RBP7: variants seen among roughly 807,000 people sequenced by gnomAD.
The protein encoded by RBP7 is retinol binding protein 7.
RBP7 carries 13 observed loss-of-function variants against 16.7 expected under a neutral mutation model. The ratio of observed to expected loss-of-function variants is 0.78; its 90% confidence interval spans 0.51 to 1.24. The LOEUF (loss-of-function observed/expected upper bound fraction) is 1.24. Among genes scored for constraint, RBP7 ranks in the 50% most tolerant of loss-of-function variants. The pLI is 0.00. For missense variants in RBP7, 145 were observed against 159.5 expected, an observed-to-expected ratio of 0.91 and a Z score of 0.49; for synonymous variants, 54 against 56.2, an observed-to-expected ratio of 0.96 and a Z score of 0.17.
chr1:10,006,766 G>T (rs61782885), intron 1 of RBP7, among the ~76,000 whole-genome samples: 23,190 of 141,222 alleles, frequency 0.16, 1,914 homozygotes, highest in East Asian at 0.24. Context: ...TATATATATA[G>T]AGAGAGAGAG....
intron 1 of RBP7, among the ~76,000 whole-genome samples, chr1:10,003,780 G>A (rs1273298230): frequency 6.6e-6 from 1 of 152,056 alleles, no homozygotes; most frequent in African/African-American, 2.4e-5. Flanking sequence ...TTTTGAGATG[G>A]ATTCTTGCTC....
rs1302087333 is a variant in RBP7 at position 10,011,557 on chromosome 1, G to A, written c.354+3283G>A. Among the ~76,000 whole-genome samples the A allele has an allele frequency of 2.6e-5, 4 of 152,192 alleles. No individual in the cohort carries two copies. The South Asian group carries it at 6.2e-4, about 24-fold the overall frequency. On this transcript the variant is annotated intron_variant, in intron 3 of 3. Coordinates refer to ENST00000294435, the MANE Select transcript of RBP7 (RefSeq NM_052960.3). ...ACGTATTTTCACACTGTAGGGTGAA[G>A]ATTCAAATACAGGTCTGACAAGAAT...
intron 3 of RBP7, among the ~76,000 whole-genome samples, chr1:10,009,164 C>G (rs1477667958): frequency 6.6e-6 from 1 of 152,130 alleles, no homozygotes; most frequent in Non-Finnish European, 1.5e-5. Flanking sequence ...GTAATCCCAG[C>G]ACTTTGGGAG....
chr1:10,006,357 A>G (rs917620768), intron 1 of RBP7, among the ~76,000 whole-genome samples: 13 of 152,000 alleles, frequency 8.6e-5, no homozygotes, highest in African/African-American at 3.1e-4. Context: ...AAAATATTTA[A>G]AACATTTCCA....
chr1:9,999,589 A>G (rs566649521), intron 1 of RBP7, among the ~76,000 whole-genome samples: 1 of 152,196 alleles, frequency 6.6e-6, no homozygotes, highest in East Asian at 1.9e-4. Context: ...ACTCTTGGAT[A>G]TGTCTTTATC....
intron 3 of RBP7, among the ~76,000 whole-genome samples, chr1:10,011,243 T>C (rs3003376): frequency 0.35 from 53,542 of 151,988 alleles, 14,305 homozygotes; most frequent in African/African-American, 0.75. Context: ...GATAGTCATC[T>C]GTCTTTGTAT....
chr1:9,999,950 C>T (rs1642233676), intron 1 of RBP7, among the ~76,000 whole-genome samples: 1 of 150,866 alleles, frequency 6.6e-6, no homozygotes, highest in Non-Finnish European at 1.5e-5. Flanking sequence ...TTAAGTTGGT[C>T]TGGGTGCAGT....
intron 3 of RBP7, among the ~76,000 whole-genome samples, chr1:10,009,675 G>A (rs947080362): frequency 2.0e-5 from 3 of 151,716 alleles, no homozygotes; most frequent in Non-Finnish European, 4.4e-5. Flanking sequence ...GGGACTACAG[G>A]CATGCACCAC....
rs760583223 is a variant in RBP7, at chr1:10,012,939, CAAAAA to C, written c.355-2827_355-2823del. Among the ~76,000 whole-genome samples the C allele has an allele frequency of 1.1e-3, 78 of 71,342 alleles. 1 individual carries two copies. Among genetic ancestry groups the C allele is most frequent in the African/African-American group, 3.2e-3 (70 of 21,756 alleles). The allele number at this position is 71,342 out of a possible 152,430, so 46.8% of individuals were successfully genotyped here. A position where few individuals can be genotyped will look rare whatever the true frequency, so the allele number is the denominator to read the frequency against. ...CTGGATGACAAGAGTGAAACTGTCT[CAAAAA>C]AAAAAAAAAAAAAAAGAGAAATACC... On this transcript the variant is annotated intron_variant, in intron 3 of 3. Coordinates refer to ENST00000294435, the MANE Select transcript of RBP7 (RefSeq NM_052960.3).
intron 1 of RBP7, among the ~76,000 whole-genome samples, chr1:10,000,164 G>T (rs747565980): frequency 3.9e-5 from 6 of 152,186 alleles, no homozygotes; most frequent in Middle Eastern, 3.4e-3. Context: ...GAAGGTGGAG[G>T]TTGCAGTGAG....
chr1:10,007,229 G>A (rs1642473184), intron 1 of RBP7: 7 of 289,002 alleles, frequency 2.4e-5, no homozygotes, highest in South Asian at 2.1e-4. Context: ...TTACAGGTGT[G>A]AGCCACTGCA....
Position 10,006,764 on chromosome 1 carries a change from T to TATATAG in RBP7, c.74-805_74-804insTATAGA, listed in dbSNP as rs1325127839. The stretch of plus-strand genomic sequence containing the variant: ...GTGTGTGTGTGTGTATATATATATA[T>TATATAG]AGAGAGAGAGAGAGAGAGAGGTATA... On this transcript the variant is annotated intron_variant, in intron 1 of 3. Coordinates refer to ENST00000294435, the MANE Select transcript of RBP7 (RefSeq NM_052960.3). 3.1e-3 allele frequency among the ~76,000 whole-genome samples: 432 copies of TATATAG among 141,522 alleles called. 2 individuals carry two copies. Among genetic ancestry groups the TATATAG allele is most frequent in the African/African-American group, 0.011 (411 of 36,552 alleles). 92.8% of individuals were successfully genotyped at this position (141,522 alleles called of 152,430 possible).
intron 3 of RBP7, among the ~76,000 whole-genome samples, 185 bp from the exon 4 acceptor site, chr1:10,015,597 G>A (rs1642753061): frequency 6.6e-6 from 1 of 151,434 alleles, no homozygotes; most frequent in Non-Finnish European, 1.5e-5. Flanking sequence ...CTGGGAGGCA[G>A]AGGTTACAGT....
At chr1:10,009,300 C>T (rs558416654) in intron 3 of RBP7, among the ~76,000 whole-genome samples, 31 of 152,154 alleles carry the variant, frequency 2.0e-4, no homozygotes, top group South Asian at 4.1e-4. Flanking sequence ...ATCCCAGCTA[C>T]TTGGGAGGCT....
intron 2 of RBP7, 99 bp from the exon 3 acceptor site, chr1:10,008,074 A>G (rs1570733178): frequency 1.3e-6 from 1 of 749,556 alleles, no homozygotes; most frequent in East Asian, 2.6e-5. Flanking sequence ...AAAAGCAGTA[A>G]GTAGGCTGTT....
chr1:10,015,462 A>G (rs1269399866), intron 3 of RBP7, among the ~76,000 whole-genome samples: 2 of 151,132 alleles, frequency 1.3e-5, no homozygotes, highest in African/African-American at 2.4e-5. Context: ...AAAAAAAAAA[A>G]AAAGACCAGC....
chr1:10,006,726 CGTGT>C (rs139188536), intron 1 of RBP7, among the ~76,000 whole-genome samples: 75 of 129,524 alleles, frequency 5.8e-4, no homozygotes, highest in East Asian at 2.1e-3. Flanking sequence ...AAAGTATATA[CGTGT>C]GTGTGTGTGT....
At chr1:10,004,949 C>A (rs1044241502) in intron 1 of RBP7, among the ~76,000 whole-genome samples, 1 of 152,058 alleles carries the variant, frequency 6.6e-6, no homozygotes, top group Non-Finnish European at 1.5e-5. Context: ...GCCGAGATTG[C>A]ACCACTGCAG....
At chr1:9,998,509 G>A (rs1642214067) in intron 1 of RBP7, among the ~76,000 whole-genome samples, 1 of 144,292 alleles carries the variant, frequency 6.9e-6, no homozygotes, top group African/African-American at 2.6e-5. Flanking sequence ...CCGGGTTCAC[G>A]CCATTTTCCT....
Sources: allele counts gnomAD v4.1 joint callset (sites outside exome capture counted in the v4.1 genomes callset), GRCh38; gene constraint gnomAD v4.1.1; transcripts MANE v1.5; gene names NCBI Gene and HGNC (gene_info 2026-07-23, HGNC 2026-07-21).